Variants in AMOTL1 observed in about 807,000 individuals in gnomAD.
The protein encoded by AMOTL1 is angiomotin like 1, also known as angiomotin-like protein 1.
In AMOTL1, 45 loss-of-function variants were observed where a neutral mutation model predicts 102.9. The observed-to-expected ratio is 0.44, with a 90% CI of 0.34 to 0.56. The LOEUF is 0.56. Ranked by LOEUF, AMOTL1 falls within the 20% of genes least tolerant of loss-of-function variation. AMOTL1 has a pLI of 0.01. For missense variants in AMOTL1, 1,114 were observed against 1,225.6 expected, an observed-to-expected ratio of 0.91 and a Z score of 1.36; for synonymous variants, 481 against 484.7, an observed-to-expected ratio of 0.99 and a Z score of 0.10.
At chr11:94,864,691 CAAG>C in intron 9 of AMOTL1, 41 bp from the exon 10 acceptor site, 1 of 1,594,154 alleles carries the variant, frequency 6.3e-7, no homozygotes, top group Non-Finnish European at 8.6e-7. Context: ...TGAGACAAAG[CAAG>C]AAGGTTTCCT....
intron 6 of AMOTL1, among the ~76,000 whole-genome samples, chr11:94,832,369 T>C (rs1244166841): frequency 1.3e-5 from 2 of 152,246 alleles, no homozygotes; most frequent in African/African-American, 4.8e-5. Context: ...TTCTGATGTG[T>C]GGGTTCCTCA....
At chr11:94,771,272 C>T (rs1223050283) in intron 1 of AMOTL1, among the ~76,000 whole-genome samples, 9 of 118,416 alleles carry the variant, frequency 7.6e-5, no homozygotes, top group South Asian at 2.9e-4. Flanking sequence ...GGGGGGGGTG[C>T]GGTGTGTGGC....
In AMOTL1 at chr11:94,799,746, G is replaced by A. The variant is rs1466689580; in HGVS notation, c.556G>A (p.Glu186Lys). The A allele has an allele frequency of 1.9e-6, 3 of 1,611,740 alleles. No individual in the cohort carries two copies. The highest frequency in any genetic ancestry group is 1.3e-5 in the African/African-American group (1 of 74,974). ...GTCCACGCAGCCTCAGCAGAACAAC[G>A]AGGAACTGCCCACTTACGAGGAGGC... ...VRSTQPQQNN[E>K]ELPTYEEAKA... is the part of the protein sequence containing the mutation. Residue 186 changes from glutamate (E) to lysine (K), a missense_variant, in exon 3 of 13, where the codon GAG (glutamate) becomes AAG (lysine). Glu to Lys is a moderately conservative substitution (Grantham distance 56). Coordinates refer to ENST00000433060, the MANE Select transcript of AMOTL1 (RefSeq NM_130847.3). The surrounding 1 kb of genome is among the most constrained non-coding windows in gnomAD (Gnocchi z 4.5).
At chr11:94,861,813 C>T (rs1330383413) in intron 9 of AMOTL1, among the ~76,000 whole-genome samples, 1 of 152,032 alleles carries the variant, frequency 6.6e-6, no homozygotes, top group African/African-American at 2.4e-5. Flanking sequence ...GGATCCTGGG[C>T]CCTGAGGGTA....
intron 1 of AMOTL1, among the ~76,000 whole-genome samples, chr11:94,722,717 T>C (rs573948611): frequency 2.0e-5 from 3 of 152,332 alleles, no homozygotes; most frequent in East Asian, 1.9e-4. Context: ...CAGTGCTGCA[T>C]AGCAAGTGAG....
At chr11:94,789,415 T>A (rs1951245577) in intron 1 of AMOTL1, among the ~76,000 whole-genome samples, 1 of 152,234 alleles carries the variant, frequency 6.6e-6, no homozygotes, top group Admixed American at 6.5e-5. Context: ...CTCCTCGGCC[T>A]CCCGAAGTGC....
chr11:94,865,141 T>G (rs1197707612), intron 10 of AMOTL1, among the ~76,000 whole-genome samples: 1 of 152,172 alleles, frequency 6.6e-6, no homozygotes, highest in African/African-American at 2.4e-5. Flanking sequence ...AATTTAGATG[T>G]CTGTGTTATT....
chr11:94,829,931 A>T (rs1352801977), intron 4 of AMOTL1, 119 bp from the exon 5 acceptor site: 2 of 993,656 alleles, frequency 2.0e-6, no homozygotes, highest in African/African-American at 3.3e-5. Context: ...GAAACTTGAG[A>T]TGCAGAAAGA....
At chr11:94,727,692 T>C (rs1591900146) in intron 1 of AMOTL1, among the ~76,000 whole-genome samples, 2 of 152,296 alleles carry the variant, frequency 1.3e-5, no homozygotes, top group East Asian at 3.9e-4. Flanking sequence ...CTGGATTTAT[T>C]GATAAGTCTA....
chr11:94,768,618 A>C (rs1565344707), intron 1 of AMOTL1, 58 bp downstream of exon 1: 10 of 1,555,834 alleles, frequency 6.4e-6, no homozygotes, highest in African/African-American at 1.4e-5. Context: ...CACGCGAAGA[A>C]CCCAGTCGCC....
chr11:94,803,514 C>T (rs911926385), intron 3 of AMOTL1, among the ~76,000 whole-genome samples: 4 of 152,250 alleles, frequency 2.6e-5, no homozygotes, highest in African/African-American at 9.6e-5. Flanking sequence ...TATACTTTTT[C>T]CTCAACCTGA....
At chr11:94,732,907 C>A (rs1389088118) in intron 2 of AMOTL1, among the ~76,000 whole-genome samples, 1 of 152,208 alleles carries the variant, frequency 6.6e-6, no homozygotes, top group Non-Finnish European at 1.5e-5. Flanking sequence ...CAGGAAGGAG[C>A]AGATTTCCTT....
chr11:94,730,899 C>T (rs1434521610), intron 2 of AMOTL1, among the ~76,000 whole-genome samples: 1 of 152,142 alleles, frequency 6.6e-6, no homozygotes, highest in Non-Finnish European at 1.5e-5. Flanking sequence ...GTGTGGTTTT[C>T]CCACTGATGC....
At chr11:94,731,525 A>T in intron 2 of AMOTL1, among the ~76,000 whole-genome samples, 1 of 152,234 alleles carries the variant, frequency 6.6e-6, no homozygotes, top group East Asian at 1.9e-4. Flanking sequence ...GCACTCGGAG[A>T]GGAAGTGTAA....
At chr11:94,831,704 C>T (rs571788214) in intron 6 of AMOTL1, among the ~76,000 whole-genome samples, 163 bp downstream of exon 6, 19 of 152,264 alleles carry the variant, frequency 1.2e-4, no homozygotes, top group African/African-American at 2.6e-4. Flanking sequence ...TAGGTCTGCC[C>T]GAGACAAAGC....
At chr11:94,713,421 T>C (rs536203008) in intron 1 of AMOTL1, among the ~76,000 whole-genome samples, 1 of 151,990 alleles carries the variant, frequency 6.6e-6, no homozygotes, top group Non-Finnish European at 1.5e-5. Flanking sequence ...AGAACCTTGC[T>C]GGGATTTTGA....
At chr11:94,724,294 AC>A (rs1950220757) in intron 1 of AMOTL1, among the ~76,000 whole-genome samples, 2 of 152,168 alleles carry the variant, frequency 1.3e-5, no homozygotes, top group South Asian at 4.1e-4. Flanking sequence ...CCTTTGAAGC[AC>A]AGAACAAGGG....
At chr11:94,794,671 A>T (rs1591972313) in intron 1 of AMOTL1, among the ~76,000 whole-genome samples, 2 of 152,270 alleles carry the variant, frequency 1.3e-5, no homozygotes, top group East Asian at 3.9e-4. Flanking sequence ...AACCTTGACC[A>T]TTCAGAACTT....
At position 94,768,386 on chromosome 11, in the gene AMOTL1, G is replaced by C. The variant is rs1950885395; in HGVS notation, c.-126G>C. On this transcript the variant is annotated 5_prime_UTR_variant, in exon 1 of 13. Transcript: ENST00000433060. ...GCGAGAAGCTCTAGGACCCAGCAGC[G>C]GTTGTCGGGTTTGGGGCTGGAGGTG... 16 of 1,502,120 alleles carry C rather than the reference G, an allele frequency of 1.1e-5. No homozygotes were observed. In the South Asian group the frequency reaches 1.9e-4, roughly 18 times the overall value. The allele number at this position is 1,502,120 out of a possible 1,614,324, so 93.0% of individuals were successfully genotyped here. A position where few individuals can be genotyped will look rare whatever the true frequency, so the allele number is the denominator to read the frequency against.
Sources: gnomAD v4.1 joint callset for allele counts (sites outside exome capture counted in the v4.1 genomes callset) on GRCh38, gnomAD v4.1.1 for gene constraint, Gnocchi (gnomAD v3.1) non-coding constraint, MANE v1.5 for transcripts, NCBI Gene and HGNC (gene_info 2026-07-23, HGNC 2026-07-21) for gene names.